FAM135A: variants seen among roughly 807,000 people sequenced by gnomAD.
The protein encoded by FAM135A is family with sequence similarity 135 member A.
FAM135A carries 79 observed loss-of-function variants against 146.8 expected under a neutral mutation model. The observed-to-expected ratio is 0.54, with a 90% CI of 0.45 to 0.65. The LOEUF (loss-of-function observed/expected upper bound fraction) is 0.65. Ranked by LOEUF, FAM135A falls within the 30% of genes least tolerant of loss-of-function variation. FAM135A has a pLI of 0.00. For missense variants in FAM135A, 1,623 were observed against 1,758.2 expected, an observed-to-expected ratio of 0.92 and a Z score of 1.38; for synonymous variants, 562 against 603.6, an observed-to-expected ratio of 0.93 and a Z score of 1.01.
intron 10 of FAM135A, among the ~76,000 whole-genome samples, chr6:70,482,628 A>G (rs1783943081): frequency 1.3e-5 from 2 of 152,134 alleles, no homozygotes; most frequent in African/African-American, 4.8e-5. Flanking sequence ...ATTACTTAGT[A>G]TTTTAACATT....
At chr6:70,506,858 G>A (rs182438465) in intron 12 of FAM135A, among the ~76,000 whole-genome samples, 560 of 150,194 alleles carry the variant, frequency 3.7e-3, no homozygotes, top group Non-Finnish European at 6.0e-3. Flanking sequence ...TTCTGTTTGT[G>A]TCACCTGAAT....
At chr6:70,494,101 G>A (rs948400291) in intron 11 of FAM135A, among the ~76,000 whole-genome samples, 1 of 148,968 alleles carries the variant, frequency 6.7e-6, no homozygotes, top group African/African-American at 2.5e-5. Flanking sequence ...GTTTGATGAA[G>A]TAGGAAAATG....
intron 5 of FAM135A, among the ~76,000 whole-genome samples, chr6:70,463,727 C>T (rs1779863789): frequency 6.6e-6 from 1 of 152,094 alleles, no homozygotes; most frequent in Non-Finnish European, 1.5e-5. Flanking sequence ...GTCACTAATC[C>T]TTTACTGTTA....
In FAM135A at chr6:70,420,195, C is replaced by A. The variant is rs145748358; in HGVS notation, c.-134+4819C>A. 7.6e-4 allele frequency among the ~76,000 whole-genome samples: 116 copies of A among 152,230 alleles called. 1 individual carries two copies. The highest frequency in any genetic ancestry group is 2.3e-3 in the African/African-American group (97 of 41,540). Reference sequence around the variant, plus strand: ...TCTCCAATTTGTTCAACTTCTTTACCCTCTAGCTTAGGAGAAAGAACATCC... The same window carrying A: ...TCTCCAATTTGTTCAACTTCTTTACACTCTAGCTTAGGAGAAAGAACATCC... On this transcript the variant is annotated intron_variant, in intron 2 of 21. Transcript: ENST00000418814.
In FAM135A at chr6:70,559,820, G is replaced by A; in HGVS notation, c.4447G>A (p.Ala1483Thr). 3 of 1,614,068 alleles carry A rather than the reference G, an allele frequency of 1.9e-6. No homozygotes were observed. The East Asian group carries it at 6.7e-5, about 36-fold the overall frequency. Residue 1483 changes from alanine (A) to threonine (T), a missense_variant, in exon 22 of 22, where the codon GCT becomes ACT. This residue lies in a region of FAM135A where 138 missense variants were observed against 174.1 expected (regional missense o/e 0.79). Transcript: ENST00000418814. ...TGTCATCAATGCATTGCCCAATACA[G>A]CTGATTCACTCATTGGGAGAGCTGC... ...YNVINALPNTADSLIGRAAHI... is the reference protein window; with the variant it reads ...YNVINALPNTTDSLIGRAAHI...
At chr6:70,422,373 C>G (rs1769050594) in intron 2 of FAM135A, among the ~76,000 whole-genome samples, 1 of 152,176 alleles carries the variant, frequency 6.6e-6, no homozygotes, top group Non-Finnish European at 1.5e-5. Context: ...GCCTGCTCTC[C>G]TTTTCCTTTA....
chr6:70,435,780 A>G (rs1272831118), intron 4 of FAM135A, among the ~76,000 whole-genome samples: 1 of 152,228 alleles, frequency 6.6e-6, no homozygotes, highest in East Asian at 1.9e-4. Flanking sequence ...TAAAAGGACT[A>G]TCAGCTAAGA....
intron 11 of FAM135A, among the ~76,000 whole-genome samples, chr6:70,496,353 T>C (rs969200945): frequency 1.3e-5 from 2 of 152,216 alleles, no homozygotes; most frequent in Admixed American, 6.5e-5. Context: ...TCAATGGGGT[T>C]GTTTTTTTCT....
At chr6:70,452,303 T>C (rs1777277289) in intron 4 of FAM135A, among the ~76,000 whole-genome samples, 189 bp from the exon 5 acceptor site, 1 of 152,086 alleles carries the variant, frequency 6.6e-6, no homozygotes, top group Non-Finnish European at 1.5e-5. Context: ...GGTTTCTCTT[T>C]TGGTTTTATG....
chr6:70,512,601 C>A (rs1385502825), intron 12 of FAM135A, among the ~76,000 whole-genome samples: 1 of 151,670 alleles, frequency 6.6e-6, no homozygotes, highest in Non-Finnish European at 1.5e-5. Flanking sequence ...TCTCTGCTGA[C>A]TCCTGATATT....
chr6:70,416,489 A>G (rs1271792590), intron 2 of FAM135A, among the ~76,000 whole-genome samples: 1 of 152,116 alleles, frequency 6.6e-6, no homozygotes, highest in African/African-American at 2.4e-5. Context: ...CTTTGCTTTG[A>G]TTCTAGGTAT....
At chr6:70,448,754 C>A (rs752500579) in intron 4 of FAM135A, among the ~76,000 whole-genome samples, 1 of 152,178 alleles carries the variant, frequency 6.6e-6, no homozygotes, top group African/African-American at 2.4e-5. Context: ...CTAAAAGTAT[C>A]CCTTATGGGA....
chr6:70,450,606 T>A (rs1272227881), intron 4 of FAM135A, among the ~76,000 whole-genome samples: 1 of 151,958 alleles, frequency 6.6e-6, no homozygotes. Context: ...TGGAATTCTG[T>A]CCTGTTGCAT....
chr6:70,525,865 T>C lies in FAM135A; in HGVS notation c.2781T>C (p.Asp927=). 6.2e-7 allele frequency: 1 copy of C among 1,612,286 alleles called. No individual in the cohort carries two copies. ...ACCCTTTACAATTTGTTTTTTCAGA[T>C]GAAGAGACTTCCAGTGATGTGAAAA... ...IKDPLQFVFS[D]EETSSDVKSS... The change falls in exon 15 of 22, where the codon GAT becomes GAC. Residue 927 remains aspartate (D), a synonymous_variant. Coordinates refer to ENST00000418814, the MANE Select transcript of FAM135A (RefSeq NM_001162529.3).
At chr6:70,515,457 CAT>C (rs1002411302) in intron 12 of FAM135A, among the ~76,000 whole-genome samples, 4 of 152,070 alleles carry the variant, frequency 2.6e-5, no homozygotes, top group African/African-American at 9.7e-5. Context: ...CATGAAAAGA[CAT>C]AGAGGAAACT....
chr6:70,478,440 A>T (rs1783037778), intron 8 of FAM135A, among the ~76,000 whole-genome samples: 1 of 152,184 alleles, frequency 6.6e-6, no homozygotes, highest in African/African-American at 2.4e-5. Context: ...TATTGGGATG[A>T]TGCTTAAGGG....
chr6:70,430,075 G>A (rs1175411241), intron 4 of FAM135A, among the ~76,000 whole-genome samples: 3 of 152,076 alleles, frequency 2.0e-5, no homozygotes, highest in Non-Finnish European at 2.9e-5. Context: ...GGTGGCTCAC[G>A]CCTGTAATCC....
In FAM135A at chr6:70,486,095, T is replaced by A. The variant is rs1582469169; in HGVS notation, c.823+3941T>A. On this transcript the variant is annotated intron_variant, in intron 10 of 21. Coordinates refer to ENST00000418814, the MANE Select transcript of FAM135A (RefSeq NM_001162529.3). ...CAACACTAAGTCTATTATTAACAAG[T>A]TGGAAAATTCTAGTAAGTTTTGTTG... 3 of 1,326,818 alleles carry A rather than the reference T, an allele frequency of 2.3e-6. No homozygotes were observed. The East Asian group carries it at 7.1e-5, about 32-fold the overall frequency. The allele number at this position is 1,326,818 out of a possible 1,614,324, so 82.2% of individuals were successfully genotyped here.
intron 12 of FAM135A, among the ~76,000 whole-genome samples, chr6:70,512,985 C>CT (rs144141127): frequency 0.025 from 3,742 of 147,394 alleles, 110 homozygotes; most frequent in African/African-American, 0.069. Flanking sequence ...AAGATTCTTT[C>CT]TTTTTTTTTT....
Sources: allele counts gnomAD v4.1 joint callset (sites outside exome capture counted in the v4.1 genomes callset), GRCh38; gene constraint gnomAD v4.1.1; regional missense constraint gnomAD v4.1.1; transcripts MANE v1.5; gene names NCBI Gene and HGNC (gene_info 2026-07-23, HGNC 2026-07-21).